The following EYS variants were observed in gnomAD, a reference collection of about 807,000 sequenced individuals.
EYS encodes the protein EGF-like photoreceptor maintenance factor.
In EYS, 250 loss-of-function variants were observed where a neutral mutation model predicts 282.1. The observed-to-expected ratio is 0.89, with a 90% CI of 0.80 to 0.98. The LOEUF is 0.98. Ranked by LOEUF, EYS falls within the 50% of genes least tolerant of loss-of-function variation. The pLI is 0.00. For missense variants in EYS, 4,016 were observed against 3,709.0 expected (o/e 1.08, Z -2.15); for synonymous variants, 1,355 against 1,282.9 (o/e 1.06, Z -1.20).
At chr6:65,326,558 C>T (rs1027478843) in intron 11 of EYS, among the ~76,000 whole-genome samples, 3 of 151,084 alleles carry the variant, frequency 2.0e-5, no homozygotes, top group Admixed American at 1.3e-4. Flanking sequence ...TTCTTTCTTT[C>T]AACTTTTATC....
chr6:65,060,673 T>C (rs2350290), intron 12 of EYS, among the ~76,000 whole-genome samples: 45,601 of 151,400 alleles, frequency 0.3, 7,037 homozygotes, highest in African/African-American at 0.33. Context: ...CTATTCTTTC[T>C]GGGTACAGGT....
intron 28 of EYS, among the ~76,000 whole-genome samples, chr6:64,418,600 G>A (rs1246809611): frequency 6.6e-6 from 1 of 152,172 alleles, no homozygotes; most frequent in Non-Finnish European, 1.5e-5. Context: ...GAGAGAGAAG[G>A]AAACTCTCAT....
At chr6:64,813,616 A>G (rs1209425351) in intron 21 of EYS, 39 bp from the exon 22 acceptor site, 2 of 1,270,342 alleles carry the variant, frequency 1.6e-6, no homozygotes, top group Admixed American at 5.6e-5. Flanking sequence ...GATTATTAGT[A>G]TAAGGTTGAC....
rs545680803 is a variant in EYS at position 64,691,667 on chromosome 6, G to T, written c.3444-65422C>A. On this transcript the variant is annotated intron_variant, in intron 22 of 42. Transcript: ENST00000503581. ...CCCTCCCACCTTCCTCCATCCTCTA[G>T]TAACCTACAGTGTTTATTATTCTCA... is the stretch of plus-strand genomic sequence containing the variant. Among the ~76,000 whole-genome samples, 3 of 152,016 alleles carry T rather than the reference G, an allele frequency of 2.0e-5. No individual in the cohort carries two copies. In the East Asian group the frequency reaches 5.8e-4, roughly 29 times the overall value.
At chr6:64,392,159 TC>T (rs375613478) in intron 28 of EYS, among the ~76,000 whole-genome samples, 40,748 of 149,550 alleles carry the variant, frequency 0.27, 5,624 homozygotes, top group East Asian at 0.46. Flanking sequence ...AGACTTAGAC[TC>T]CCACACATTA....
chr6:64,234,642 A>G (rs78164950), intron 30 of EYS, among the ~76,000 whole-genome samples: 2,852 of 152,252 alleles, frequency 0.019, 37 homozygotes, highest in Non-Finnish European at 0.031. Context: ...ACCACAATCT[A>G]GCTTTATATT....
chr6:65,145,101 C>A (rs1291808294), intron 12 of EYS, among the ~76,000 whole-genome samples: 1 of 151,414 alleles, frequency 6.6e-6, no homozygotes, highest in Non-Finnish European at 1.5e-5. Context: ...ACACACCATT[C>A]TTCACCTTAA....
At position 65,405,291 on chromosome 6, in the gene EYS, A is replaced by C. The variant is rs774342993; in HGVS notation, c.939T>G (p.Ser313Arg). ...TTGGGCATTCATAAGTATAAGCAGAACTGCTATTTGGGCAAATTCCTCTTT... is the reference window on the plus strand; with the variant it reads ...TTGGGCATTCATAAGTATAAGCAGACCTGCTATTTGGGCAAATTCCTCTTT... Reference protein sequence around the residue: ...FWKRGICPNSSSAYTYECPKG... With the variant: ...FWKRGICPNSRSAYTYECPKG... The change falls in exon 6 of 43, where the codon AGT becomes AGG. Residue 313 changes from serine (S) to arginine (R), a missense_variant. Transcript: ENST00000503581. The C allele has an allele frequency of 3.5e-5, 57 of 1,613,106 alleles. No homozygotes were observed. Among genetic ancestry groups the C allele is most frequent in the South Asian group, 2.3e-4 (21 of 91,070 alleles).
At chr6:64,702,957 A>C (rs1391510891) in intron 22 of EYS, among the ~76,000 whole-genome samples, 8 of 152,140 alleles carry the variant, frequency 5.3e-5, no homozygotes, top group Non-Finnish European at 2.9e-5. Context: ...GGAGAATAGA[A>C]AACATTGTAT....
chr6:63,937,373 T>C (rs1195824106), intron 35 of EYS, among the ~76,000 whole-genome samples: 9 of 69,074 alleles, frequency 1.3e-4, no homozygotes, highest in African/African-American at 3.7e-4. Context: ...TTTTTTTTTT[T>C]TTTTTTTTTT....
intron 12 of EYS, among the ~76,000 whole-genome samples, chr6:65,168,436 C>A (rs1765026219): frequency 6.6e-6 from 1 of 151,160 alleles, no homozygotes; most frequent in Non-Finnish European, 1.5e-5. Flanking sequence ...ATCAAGGCAC[C>A]AGCAGACTCA....
At chr6:65,154,194 A>T (rs1405899333) in intron 12 of EYS, among the ~76,000 whole-genome samples, 1 of 151,790 alleles carries the variant, frequency 6.6e-6, no homozygotes, top group Non-Finnish European at 1.5e-5. Flanking sequence ...TGATTCGATA[A>T]TTCATTACCT....
intron 36 of EYS, among the ~76,000 whole-genome samples, chr6:63,835,516 G>T (rs947317455): frequency 9.2e-5 from 14 of 152,024 alleles, no homozygotes; most frequent in African/African-American, 3.4e-4. Context: ...TCACTGATAT[G>T]TGGGAACTAA....
intron 12 of EYS, among the ~76,000 whole-genome samples, chr6:65,071,968 GAT>G (rs1773916108): frequency 1.3e-5 from 2 of 151,654 alleles, no homozygotes; most frequent in Admixed American, 6.6e-5. Context: ...CTAGTGTCTT[GAT>G]ATTGACTTTC....
At chr6:64,825,275 C>T (rs924231975) in intron 19 of EYS, among the ~76,000 whole-genome samples, 1 of 151,892 alleles carries the variant, frequency 6.6e-6, no homozygotes, top group African/African-American at 2.4e-5. Context: ...TCCGCAATTG[C>T]CATTATCCTG....
chr6:64,486,054 T>C (rs993147877), intron 26 of EYS, among the ~76,000 whole-genome samples: 10 of 151,526 alleles, frequency 6.6e-5, no homozygotes, highest in Admixed American at 4.0e-4. Flanking sequence ...TGTAACCTTT[T>C]ATTGTAATCA....
At chr6:65,206,337 A>C (rs916959943) in intron 12 of EYS, among the ~76,000 whole-genome samples, 1 of 151,722 alleles carries the variant, frequency 6.6e-6, no homozygotes, top group Admixed American at 6.6e-5. Context: ...AAATTGAACC[A>C]AGCAGAAATG....
intron 30 of EYS, among the ~76,000 whole-genome samples, chr6:64,276,677 G>A (rs553888620): frequency 6.6e-6 from 1 of 152,246 alleles, no homozygotes; most frequent in Non-Finnish European, 1.5e-5. Flanking sequence ...AAGCATATGT[G>A]TGATTATATG....
At position 65,494,819 on chromosome 6, in the gene EYS, A is replaced by C; in HGVS notation, c.592T>G (p.Tyr198Asp). 6.2e-7 allele frequency: 1 copy of C among 1,614,084 alleles called. No homozygotes were observed. The highest frequency in any genetic ancestry group is 1.7e-5 in the Admixed American group (1 of 60,028). Residue 198 changes from tyrosine to aspartate, a missense_variant, in exon 4 of 43, where the codon TAT becomes GAT. By Grantham distance (160) the Tyr-to-Asp change is radical. Coordinates refer to ENST00000503581, the MANE Select transcript of EYS (RefSeq NM_001142800.2). The part of the protein sequence containing the change: ...KCLSEAWSKT[Y>D]SCHCQPPFSG... ...AATGGAGGCTGGCAATGGCAGCTAT[A>C]TGTCTTGCTCCAAGCTTCACTAAGA...
Sources: allele counts gnomAD v4.1 joint callset (sites outside exome capture counted in the v4.1 genomes callset), GRCh38; gene constraint gnomAD v4.1.1; transcripts MANE v1.5; gene names NCBI Gene and HGNC (gene_info 2026-07-23, HGNC 2026-07-21).